Variants in CYGB observed in about 807,000 individuals in gnomAD.
The protein encoded by CYGB is histoglobin.
In CYGB, 13 loss-of-function variants were observed where a neutral mutation model predicts 20.7. That is an observed-to-expected ratio of 0.63 (90% CI 0.41 to 1.00). The LOEUF (loss-of-function observed/expected upper bound fraction) is 1.00, where lower values mean the gene tolerates loss of function less well. CYGB is among the 50% of genes least tolerant of loss of function. The pLI is 0.00. For synonymous variants in CYGB, 93 were observed against 107.4 expected, an observed-to-expected ratio of 0.87 and a Z score of 0.83; for missense variants, 218 against 257.2, an observed-to-expected ratio of 0.85 and a Z score of 1.04.
chr17:76,537,415 AC>A lies in CYGB; in HGVS notation c.127del (p.Val43TrpfsTer5). On this transcript the variant is annotated frameshift_variant, in exon 1 of 4. Transcript: ENST00000293230. LOFTEE classifies it high-confidence loss of function. Reference sequence around the variant, plus strand: ...CGACACCTACCTCACCAGGATGGCCACCCCCACGTCCTCGCAGTTGGCATAG... The same window carrying A: ...CGACACCTACCTCACCAGGATGGCCACCCCACGTCCTCGCAGTTGGCATAG... The part of the protein sequence containing the change: ...RLYANCEDVG[V>X]AILVRFFVNF... 4 of 1,595,974 alleles carry A rather than the reference AC, an allele frequency of 2.5e-6. No homozygotes were observed. The highest frequency in any genetic ancestry group is 2.4e-5 in the East Asian group (1 of 42,508).
chr17:76,537,435 G>A lies in CYGB; in HGVS notation c.108C>T (p.Ala36=), dbSNP rs748437652. The part of the protein sequence containing the change: ...AVQAMWARLY[A]NCEDVGVAIL... ...TGGCCACCCCCACGTCCTCGCAGTTGGCATAGAGCCGGGCCCACATAGCCT... is the reference window on the plus strand; with the variant it reads ...TGGCCACCCCCACGTCCTCGCAGTTAGCATAGAGCCGGGCCCACATAGCCT... Residue 36 remains alanine (A), a synonymous_variant, in exon 1 of 4, where the codon GCC becomes GCT. Transcript: ENST00000293230. 3 of 1,598,260 alleles carry A rather than the reference G, an allele frequency of 1.9e-6. No homozygotes were observed. In the Admixed American group the frequency reaches 5.1e-5, roughly 27 times the overall value.
chr17:76,531,055 G>A lies in CYGB; in HGVS notation c.463C>T (p.Arg155Cys), dbSNP rs1287701626. Reference protein sequence around the residue: ...PETQRAWAKLRGLIYSHVTAA... With the variant: ...PETQRAWAKLCGLIYSHVTAA... ...GTCACGTGGCTGTAGATGAGGCCAC[G>A]CAGCTTGGCCCAGGCTCTCTGCGTC... Residue 155 changes from arginine to cysteine, a missense_variant, in exon 3 of 4, where the codon CGT becomes TGT. By Grantham distance (180) the Arg-to-Cys change is radical. Coordinates refer to ENST00000293230, the MANE Select transcript of CYGB (RefSeq NM_134268.5). The surrounding 1 kb of genome is among the most constrained non-coding windows in gnomAD (Gnocchi z 7.4). 7 of 1,613,476 alleles carry A rather than the reference G, an allele frequency of 4.3e-6. 1 individual carries two copies. Among genetic ancestry groups the A allele is most frequent in the East Asian group, 4.5e-5 (2 of 44,882 alleles).
intron 1 of CYGB, among the ~76,000 whole-genome samples, chr17:76,535,494 G>C (rs935028967): frequency 6.6e-6 from 1 of 152,170 alleles, no homozygotes; most frequent in Non-Finnish European, 1.5e-5. Context: ...GGCCCTGTGG[G>C]GCTTGGGCTG....
intron 1 of CYGB, among the ~76,000 whole-genome samples, chr17:76,536,099 C>G (rs2074910569): frequency 6.6e-6 from 1 of 152,192 alleles, no homozygotes; most frequent in Non-Finnish European, 1.5e-5. Context: ...GCCCTAGTAT[C>G]CCAATGTCCC....
rs1232800553 is a variant in CYGB, at chr17:76,528,662, G to A, written c.540-51C>T. ...ACAAACGTTACCAGAGGCAGGGAAG[G>A]ACCCTCGGGGGAAAGGGGGAGGACC... On this transcript the variant is annotated intron_variant, in intron 3 of 3. Transcript: ENST00000293230. This position sits in a 1 kb window ranked among gnomAD's most constrained non-coding sequence, Gnocchi z 5.8. 3 of 1,251,974 alleles carry A rather than the reference G, an allele frequency of 2.4e-6. No individual in the cohort carries two copies. Among genetic ancestry groups the A allele is most frequent in the South Asian group, 3.9e-5 (1 of 25,514 alleles). 77.6% of individuals were successfully genotyped at this position (1,251,974 alleles called of 1,614,324 possible).
chr17:76,534,368 G>C (rs576428458), intron 1 of CYGB, among the ~76,000 whole-genome samples: 1 of 152,206 alleles, frequency 6.6e-6, no homozygotes, highest in South Asian at 2.1e-4. Context: ...TAGTAGAGAC[G>C]GGGTTTCGCC....
At chr17:76,547,963 TACAC>T (rs1472592861) in intron 1 of CYGB, among the ~76,000 whole-genome samples, 3 of 148,544 alleles carry the variant, frequency 2.0e-5, no homozygotes, top group Admixed American at 1.3e-4. Context: ...TACACACACA[TACAC>T]ATAAACATAC....
At position 76,531,591 on chromosome 17, in the gene CYGB, C is replaced by T; in HGVS notation, c.244G>A (p.Ala82Thr). 3 of 1,613,798 alleles carry T rather than the reference C, an allele frequency of 1.9e-6. No individual in the cohort carries two copies. The highest frequency in any genetic ancestry group is 1.1e-5 in the South Asian group (1 of 91,090). ...MERSPQLRKH[A>T]CRVMGALNTV... The stretch of plus-strand genomic sequence containing the variant: ...TTGAGGGCCCCCATGACTCGGCAGG[C>T]GTGCTTCCGCAGCTGGGGGCTCCGC... Residue 82 changes from alanine (A) to threonine (T), a missense_variant, in exon 2 of 4, where the codon GCC becomes ACC. Ala to Thr is a moderately conservative substitution (Grantham distance 58). This residue lies in a region of CYGB where 152 missense variants were observed against 149.9 expected (regional missense o/e 1.01). Coordinates refer to ENST00000293230, the MANE Select transcript of CYGB (RefSeq NM_134268.5). This position sits in a 1 kb window ranked among gnomAD's most constrained non-coding sequence, Gnocchi z 7.4.
intron 1 of CYGB, chr17:76,542,889 G>A (rs1287116206): frequency 3.3e-6 from 2 of 597,722 alleles, no homozygotes; most frequent in Non-Finnish European, 3.2e-6. Flanking sequence ...TGGGGATGGC[G>A]AGGTGGTCGT....
chr17:76,535,067 A>G (rs2143108909), intron 1 of CYGB, among the ~76,000 whole-genome samples: 1 of 152,334 alleles, frequency 6.6e-6, no homozygotes, highest in Non-Finnish European at 1.5e-5. Flanking sequence ...CAGAGTTACA[A>G]CCAGCAGGGA....
upstream of CYGB, chr17:76,542,473 G>T: frequency 6.6e-7 from 1 of 1,507,796 alleles, no homozygotes; most frequent in South Asian, 1.1e-5. Context: ...GATAGGGATG[G>T]GAGGAGGAGG....
chr17:76,530,040 G>A lies in CYGB; in HGVS notation c.539+939C>T, dbSNP rs1052221172. 13 of 985,438 alleles carry A rather than the reference G, an allele frequency of 1.3e-5. No homozygotes were observed. Among genetic ancestry groups the A allele is most frequent in the Admixed American group, 1.2e-4 (2 of 16,294 alleles). The allele number at this position is 985,438 out of a possible 1,614,324, so 61.0% of individuals were successfully genotyped here. On this transcript the variant is annotated intron_variant, in intron 3 of 3. Coordinates refer to ENST00000293230, the MANE Select transcript of CYGB (RefSeq NM_134268.5). This position sits in a 1 kb window ranked among gnomAD's most constrained non-coding sequence, Gnocchi z 6.1. ...GCTGTGCCTGTGAACAGAAGGGCCG[G>A]CAGTCTTGGGGGCCCGTGCAGAGCC...
chr17:76,528,975 G>A lies in CYGB; in HGVS notation c.540-364C>T, dbSNP rs746814511. 3.1e-5 allele frequency: 32 copies of A among 1,026,666 alleles called. No individual in the cohort carries two copies. Among genetic ancestry groups the A allele is most frequent in the East Asian group, 1.7e-4 (2 of 11,988 alleles). 63.6% of individuals were successfully genotyped at this position (1,026,666 alleles called of 1,614,324 possible). A position where few individuals can be genotyped will look rare whatever the true frequency, so the allele number is the denominator to read the frequency against. ...TGGCGCATTCTGTCCGGCCTGTCTCGTCCCTCCTCGGGCCACCCATCTGTA... is the reference window on the plus strand; with the variant it reads ...TGGCGCATTCTGTCCGGCCTGTCTCATCCCTCCTCGGGCCACCCATCTGTA... On this transcript the variant is annotated intron_variant, in intron 3 of 3. Coordinates refer to ENST00000293230, the MANE Select transcript of CYGB (RefSeq NM_134268.5). The surrounding 1 kb of genome is among the most constrained non-coding windows in gnomAD (Gnocchi z 5.8).
chr17:76,535,124 G>C (rs1366164534), intron 1 of CYGB, among the ~76,000 whole-genome samples: 2 of 152,244 alleles, frequency 1.3e-5, no homozygotes, highest in Admixed American at 1.3e-4. Flanking sequence ...GAATGGAAGT[G>C]TGGGGTCTGC....
upstream of CYGB, chr17:76,540,702 C>A: frequency 2.2e-6 from 2 of 898,054 alleles, no homozygotes; most frequent in Non-Finnish European, 3.6e-6. The surrounding 1 kb of genome is among the most constrained non-coding windows in gnomAD (Gnocchi z 5.0). Flanking sequence ...TTGCCCTAAG[C>A]ACCCTGCTCC....
At position 76,528,257 on chromosome 17, in the gene CYGB, G is replaced by C; in HGVS notation, c.*321C>G. ...GGCCGGGCTGATAGAAACGGGGCTG[G>C]TTTATTCCCTAAGGGACTCCTAGAC... On this transcript the variant is annotated 3_prime_UTR_variant, in exon 4 of 4. Coordinates refer to ENST00000293230, the MANE Select transcript of CYGB (RefSeq NM_134268.5). The surrounding 1 kb of genome is among the most constrained non-coding windows in gnomAD (Gnocchi z 5.8). 2.5e-6 allele frequency: 1 copy of C among 399,372 alleles called. No homozygotes were observed. Among genetic ancestry groups the C allele is most frequent in the African/African-American group, 2.1e-5 (1 of 48,726 alleles). The allele number at this position is 399,372 out of a possible 1,614,324, so 24.7% of individuals were successfully genotyped here. A position where few individuals can be genotyped will look rare whatever the true frequency, so the allele number is the denominator to read the frequency against.
At position 76,546,520 on chromosome 17, in the gene CYGB, T is replaced by C. The variant is rs1240395024; in HGVS notation, c.-53+4342A>G. ...AACAGTACAGGTGGTGGGCCAAGAC[T>C]AGATGGGTAGGGCACAGTGCCCACT... On this transcript the variant is annotated intron_variant, in intron 1 of 3. Transcript: ENST00000589145. This position sits in a 1 kb window ranked among gnomAD's most constrained non-coding sequence, Gnocchi z 4.5. 1 of 151,786 alleles carries C rather than the reference T, an allele frequency of 6.6e-6. No homozygotes were observed. The highest frequency in any genetic ancestry group is 1.5e-5 in the Non-Finnish European group (1 of 68,060). The allele number at this position is 151,786 out of a possible 1,614,324, so 9.4% of individuals were successfully genotyped here. A position where few individuals can be genotyped will look rare whatever the true frequency, so the allele number is the denominator to read the frequency against.
Position 76,528,114 on chromosome 17 carries a change from A to C in CYGB, c.*464T>G. 1 of 409,040 alleles carries C rather than the reference A, an allele frequency of 2.4e-6. No homozygotes were observed. Among genetic ancestry groups the C allele is most frequent in the African/African-American group, 2.0e-5 (1 of 49,850 alleles). The allele number at this position is 409,040 out of a possible 1,614,324, so 25.3% of individuals were successfully genotyped here. Reference sequence around the variant, plus strand: ...CCGCGGATACACATTCTAGATATGTATGTGTGTATATATATATGTATATAT... The same window carrying C: ...CCGCGGATACACATTCTAGATATGTCTGTGTGTATATATATATGTATATAT... On this transcript the variant is annotated 3_prime_UTR_variant, in exon 4 of 4. Coordinates refer to ENST00000293230, the MANE Select transcript of CYGB (RefSeq NM_134268.5). This position sits in a 1 kb window ranked among gnomAD's most constrained non-coding sequence, Gnocchi z 5.8.
upstream of CYGB, chr17:76,540,360 C>T (rs1368233966): frequency 1.6e-5 from 20 of 1,276,728 alleles, no homozygotes; most frequent in Non-Finnish European, 2.3e-5. The surrounding 1 kb of genome is among the most constrained non-coding windows in gnomAD (Gnocchi z 5.0). Flanking sequence ...TGAGAGAGCA[C>T]AGTCTCAGAG....
Sources: gnomAD v4.1 joint callset for allele counts (sites outside exome capture counted in the v4.1 genomes callset) on GRCh38, gnomAD v4.1.1 for gene constraint, gnomAD v4.1.1 regional missense constraint, Gnocchi (gnomAD v3.1) non-coding constraint, MANE v1.5 for transcripts, NCBI Gene and HGNC (gene_info 2026-07-23, HGNC 2026-07-21) for gene names.